The following PPM1L variants were observed in gnomAD, a reference collection of about 807,000 sequenced individuals.
The protein encoded by PPM1L is protein phosphatase 1L.
Under a neutral mutation model 31.4 loss-of-function variants are expected in PPM1L, and 13 were observed. The observed-to-expected ratio is 0.41, with a 90% CI of 0.27 to 0.66. PPM1L has a LOEUF of 0.66. Among genes scored for constraint, PPM1L ranks in the 30% least tolerant of loss-of-function variants. The pLI is 0.29. For synonymous variants in PPM1L, 184 were observed against 175.4 expected, an observed-to-expected ratio of 1.05 and a Z score of -0.39; for missense variants, 326 against 453.7, an observed-to-expected ratio of 0.72 and a Z score of 2.56.
chr3:161,022,616 T>C (rs1718263966), intron 2 of PPM1L, among the ~76,000 whole-genome samples: 1 of 151,734 alleles, frequency 6.6e-6, no homozygotes, highest in African/African-American at 2.4e-5. Flanking sequence ...AGTGACAACT[T>C]TTCTCAGTTT....
chr3:160,915,759 T>C (rs2108066741), intron 1 of PPM1L, among the ~76,000 whole-genome samples: 1 of 152,212 alleles, frequency 6.6e-6, no homozygotes, highest in East Asian at 1.9e-4. Flanking sequence ...ATGCTGCATA[T>C]CTACAACCAT....
chr3:160,866,884 G>A (rs1037458671), intron 1 of PPM1L, among the ~76,000 whole-genome samples: 2 of 151,860 alleles, frequency 1.3e-5, no homozygotes, highest in South Asian at 2.1e-4. Context: ...TTGTTCTGTC[G>A]CCTAGGCTGG....
At chr3:160,921,809 A>G (rs1714414949) in intron 1 of PPM1L, among the ~76,000 whole-genome samples, 1 of 152,206 alleles carries the variant, frequency 6.6e-6, no homozygotes. Context: ...AAAAGATACA[A>G]CCCCATTTGA....
intron 2 of PPM1L, among the ~76,000 whole-genome samples, chr3:161,007,479 G>A (rs1214630940): frequency 1.3e-5 from 2 of 152,152 alleles, no homozygotes. Flanking sequence ...GTGAACGGAC[G>A]GGGAGAGAAA....
chr3:160,875,285 T>G (rs1015540936), intron 1 of PPM1L, among the ~76,000 whole-genome samples: 1 of 152,234 alleles, frequency 6.6e-6, no homozygotes, highest in Non-Finnish European at 1.5e-5. Flanking sequence ...ATTTGGGCTA[T>G]TGTAAAATTA....
At chr3:160,770,029 A>G (rs911990972) in intron 1 of PPM1L, among the ~76,000 whole-genome samples, 5 of 152,322 alleles carry the variant, frequency 3.3e-5, no homozygotes, top group South Asian at 4.1e-4. Context: ...ACTGATTACA[A>G]TGAGACCATC....
chr3:160,872,959 T>C (rs1322469079), intron 1 of PPM1L, among the ~76,000 whole-genome samples: 1 of 152,178 alleles, frequency 6.6e-6, no homozygotes, highest in East Asian at 1.9e-4. Context: ...TTAGTTATAC[T>C]GTTTATGATG....
chr3:160,801,291 G>A (rs921453098), intron 1 of PPM1L, among the ~76,000 whole-genome samples: 4 of 152,108 alleles, frequency 2.6e-5, no homozygotes, highest in Admixed American at 2.6e-4. Flanking sequence ...ATCCATTTAA[G>A]GGCCAGAGTC....
At chr3:161,019,820 G>A (rs1482629419) in intron 2 of PPM1L, among the ~76,000 whole-genome samples, 1 of 152,044 alleles carries the variant, frequency 6.6e-6, no homozygotes, top group African/African-American at 2.4e-5. Context: ...AATCATAAAC[G>A]AAGCTAACTA....
chr3:160,912,995 T>C (rs1714026783), intron 1 of PPM1L, among the ~76,000 whole-genome samples: 1 of 152,200 alleles, frequency 6.6e-6, no homozygotes, highest in Non-Finnish European at 1.5e-5. Context: ...TTGGTGGCAT[T>C]ACATACTGTG....
At chr3:160,802,941 A>G (rs1294783452) in intron 1 of PPM1L, among the ~76,000 whole-genome samples, 4 of 152,222 alleles carry the variant, frequency 2.6e-5, no homozygotes, top group Non-Finnish European at 5.9e-5. Flanking sequence ...GAGATAGACC[A>G]TGGACTCTAT....
At chr3:160,973,919 G>C (rs1200682810) in intron 2 of PPM1L, among the ~76,000 whole-genome samples, 1 of 146,858 alleles carries the variant, frequency 6.8e-6, no homozygotes, top group Non-Finnish European at 1.5e-5. Flanking sequence ...TGTGCACATT[G>C]TGCAGGTTAG....
At chr3:160,786,580 G>GT (rs577130780) in intron 1 of PPM1L, among the ~76,000 whole-genome samples, 445 of 141,922 alleles carry the variant, frequency 3.1e-3, no homozygotes, top group African/African-American at 6.1e-3. Context: ...AGCCATTTGG[G>GT]TTTTTTTTTT....
At chr3:160,806,815 A>G (rs1192565203) in intron 1 of PPM1L, among the ~76,000 whole-genome samples, 2 of 151,446 alleles carry the variant, frequency 1.3e-5, no homozygotes, top group African/African-American at 4.9e-5. Context: ...AGCAAAGAGA[A>G]AGAAAAAGAA....
At chr3:161,011,211 A>C (rs1425000843) in intron 2 of PPM1L, among the ~76,000 whole-genome samples, 1 of 152,220 alleles carries the variant, frequency 6.6e-6, no homozygotes, top group Non-Finnish European at 1.5e-5. Context: ...TAAGGAAGGT[A>C]TCCAGTTTCA....
At chr3:160,862,575 C>A (rs1711931862) in intron 1 of PPM1L, among the ~76,000 whole-genome samples, 1 of 151,712 alleles carries the variant, frequency 6.6e-6, no homozygotes, top group Non-Finnish European at 1.5e-5. Context: ...TTTGAGCAAC[C>A]TGTTTGACTC....
At chr3:160,987,225 T>G (rs1306580908) in intron 2 of PPM1L, among the ~76,000 whole-genome samples, 1 of 152,080 alleles carries the variant, frequency 6.6e-6, no homozygotes, top group Non-Finnish European at 1.5e-5. Context: ...CAATACTTGG[T>G]AGGTGGCTAA....
chr3:161,039,718 C>T (rs1195195639), intron 2 of PPM1L, among the ~76,000 whole-genome samples: 1 of 152,058 alleles, frequency 6.6e-6, no homozygotes, highest in Non-Finnish European at 1.5e-5. Context: ...AGACGGGTTT[C>T]ACTGTGTTAG....
intron 1 of PPM1L, among the ~76,000 whole-genome samples, chr3:160,822,075 A>G (rs1713218092): frequency 6.6e-6 from 1 of 152,152 alleles, no homozygotes; most frequent in South Asian, 2.1e-4. Flanking sequence ...AAGATTTATA[A>G]TGTGTGTACA....
Sources: allele counts gnomAD v4.1 joint callset (sites outside exome capture counted in the v4.1 genomes callset), GRCh38; gene constraint gnomAD v4.1.1; transcripts MANE v1.5; gene names NCBI Gene and HGNC (gene_info 2026-07-23, HGNC 2026-07-21).